The following ARAP2 variants were observed in gnomAD, a reference collection of about 807,000 sequenced individuals.
ARAP2 encodes ArfGAP with RhoGAP domain, ankyrin repeat and PH domain 2.
Under a neutral mutation model 194.5 loss-of-function variants are expected in ARAP2, and 148 were observed. The ratio of observed to expected loss-of-function variants is 0.76; its 90% CI spans 0.67 to 0.87. The LOEUF (loss-of-function observed/expected upper bound fraction) is 0.87, where lower values mean the gene tolerates loss of function less well. Ranked by LOEUF, ARAP2 falls within the 40% of genes least tolerant of loss-of-function variation. The pLI, the probability that ARAP2 is intolerant of heterozygous loss-of-function variation, is 0.00. For synonymous variants in ARAP2, 695 were observed against 683.5 expected (o/e 1.02, Z -0.26); for missense variants, 2,128 against 1,989.7 (o/e 1.07, Z -1.32).
chr4:36,233,376 T>C (rs768366544), intron 1 of ARAP2, among the ~76,000 whole-genome samples: 6 of 144,408 alleles, frequency 4.2e-5, no homozygotes, highest in Non-Finnish European at 9.3e-5. Context: ...CATCAACAAC[T>C]GCTGTGGGTC....
chr4:36,237,993 G>T (rs1473218020), intron 1 of ARAP2, among the ~76,000 whole-genome samples: 1 of 152,172 alleles, frequency 6.6e-6, no homozygotes, highest in Non-Finnish European at 1.5e-5. Context: ...AAGGATGAAG[G>T]TCAGGCCTGC....
At chr4:36,241,104 G>A (rs1041073738) in intron 1 of ARAP2, among the ~76,000 whole-genome samples, 1 of 152,086 alleles carries the variant, frequency 6.6e-6, no homozygotes, top group African/African-American at 2.4e-5. Context: ...TAATTCTTGG[G>A]ATATCAGAGA....
At chr4:36,009,827 A>T (rs1489380169) in intron 9 of ARAP2, among the ~76,000 whole-genome samples, 1 of 137,444 alleles carries the variant, frequency 7.3e-6, no homozygotes, top group African/African-American at 2.7e-5. Flanking sequence ...AATTCTATAT[A>T]GGAAAGTCCC....
In ARAP2 at chr4:36,200,209, CTT is replaced by C. The variant is rs530978527; in HGVS notation, c.1488-6564_1488-6563del. Among the ~76,000 whole-genome samples, 55 of 151,468 alleles carry C rather than the reference CTT, an allele frequency of 3.6e-4. 2 individuals are homozygous for C. The South Asian group carries it at 9.8e-3, about 27-fold the overall frequency. ...AGTTAATTAAAGATAAAACTTTACA[CTT>C]ATATCTTTTCTCAGCACTATTCCCT... On this transcript the variant is annotated intron_variant, in intron 6 of 32. Coordinates refer to ENST00000303965, the MANE Select transcript of ARAP2 (RefSeq NM_015230.4).
chr4:36,143,391 A>G (rs1286822489), intron 19 of ARAP2, among the ~76,000 whole-genome samples: 1 of 151,740 alleles, frequency 6.6e-6, no homozygotes, highest in Non-Finnish European at 1.5e-5. Flanking sequence ...AGACTCCTAG[A>G]ACACTTGTTG....
intron 8 of ARAP2, among the ~76,000 whole-genome samples, chr4:36,180,137 G>T (rs186246698): frequency 3.9e-5 from 6 of 152,120 alleles, no homozygotes; most frequent in Admixed American, 3.3e-4. Flanking sequence ...AAATTAGCTG[G>T]GCATGGTGGC....
chr4:36,106,483 G>C (rs1229199479), intron 27 of ARAP2, among the ~76,000 whole-genome samples: 1 of 150,054 alleles, frequency 6.7e-6, no homozygotes, highest in African/African-American at 2.4e-5. Flanking sequence ...AGATATAAAA[G>C]ACAGTGTATT....
At chr4:36,061,365 T>C (rs1054917511), downstream of ARAP2, among the ~76,000 whole-genome samples, 1 of 152,186 alleles carries the variant, frequency 6.6e-6, no homozygotes, top group African/African-American at 2.4e-5. Context: ...CTCACTACCC[T>C]TCCCAGCCTC....
At chr4:36,179,513 T>A (rs773965480) in intron 8 of ARAP2, among the ~76,000 whole-genome samples, 15 of 152,126 alleles carry the variant, frequency 9.9e-5, no homozygotes, top group Non-Finnish European at 1.5e-4. Context: ...GGAAATGAAT[T>A]AACATAGAGT....
intron 6 of ARAP2, among the ~76,000 whole-genome samples, chr4:36,200,916 A>C (rs181456864): frequency 2.7e-3 from 406 of 152,376 alleles, no homozygotes; most frequent in Middle Eastern, 0.024. Flanking sequence ...CACAAATTTT[A>C]AAAAACAGGA....
intron 25 of ARAP2, among the ~76,000 whole-genome samples, chr4:36,114,962 T>C (rs1188151666): frequency 1.3e-5 from 2 of 152,042 alleles, no homozygotes; most frequent in Non-Finnish European, 2.9e-5. Flanking sequence ...CAATCTTAAG[T>C]GCATGCTGGC....
In ARAP2 at chr4:36,228,903, T is replaced by C; in HGVS notation, c.584A>G (p.Gln195Arg). 1 of 1,614,022 alleles carries C rather than the reference T, an allele frequency of 6.2e-7. No individual in the cohort carries two copies. Among genetic ancestry groups the C allele is most frequent in the Non-Finnish European group, 8.5e-7 (1 of 1,179,954 alleles). ...KTVDHTVEEQ[Q>R]TEKVKLITEN... ...TGTGATCAATTTAACTTTTTCTGTT[T>C]GTTGTTCTTCAACTGTGTGATCCAC... Residue 195 changes from glutamine (Q) to arginine (R), a missense_variant, in exon 2 of 33, where the codon CAA becomes CGA. Coordinates refer to ENST00000303965, the MANE Select transcript of ARAP2 (RefSeq NM_015230.4).
At chr4:36,048,525 C>T (rs1722174088) in intron 3 of ARAP2, among the ~76,000 whole-genome samples, 1 of 152,078 alleles carries the variant, frequency 6.6e-6, no homozygotes, top group African/African-American at 2.4e-5. Flanking sequence ...CATGTTGCTG[C>T]AAAGGACATG....
chr4:36,104,832 T>C lies in ARAP2; in HGVS notation c.4285+2733A>G, dbSNP rs1011760381. Among the ~76,000 whole-genome samples the C allele has an allele frequency of 2.6e-5, 4 of 152,032 alleles. No individual in the cohort carries two copies. In the East Asian group the frequency reaches 5.8e-4, roughly 22 times the overall value. ...TTCTCTTATTTTTGACCAGACTACA[T>C]AACTACAAATATGAAATGATCCAAT... is the stretch of plus-strand genomic sequence containing the variant. On this transcript the variant is annotated intron_variant, in intron 27 of 32. Transcript: ENST00000303965.
At chr4:36,121,463 C>T in intron 22 of ARAP2, 137 bp from the exon 23 acceptor site, 1 of 696,518 alleles carries the variant, frequency 1.4e-6, no homozygotes, top group Non-Finnish European at 2.2e-6. Flanking sequence ...GACTTAAAAG[C>T]ATATGGTTCT....
At position 36,153,971 on chromosome 4, in the gene ARAP2, A is replaced by G. The variant is rs73809140; in HGVS notation, c.2753-2927T>C. On this transcript the variant is annotated intron_variant, in intron 15 of 32. Coordinates refer to ENST00000303965, the MANE Select transcript of ARAP2 (RefSeq NM_015230.4). Reference sequence around the variant, plus strand: ...AATCGACATTCCTGAGGTCACACTAAGTATTTAGCATCAGAGCTGGGGAAG... The same window carrying G: ...AATCGACATTCCTGAGGTCACACTAGGTATTTAGCATCAGAGCTGGGGAAG... Among the ~76,000 whole-genome samples, 969 of 152,238 alleles carry G rather than the reference A, an allele frequency of 6.4e-3. 11 individuals carry two copies. Among genetic ancestry groups the G allele is most frequent in the African/African-American group, 0.022 (920 of 41,524 alleles).
intron 32 of ARAP2, among the ~76,000 whole-genome samples, chr4:36,070,822 C>T (rs1726680703): frequency 6.6e-6 from 1 of 152,168 alleles, no homozygotes; most frequent in Admixed American, 6.6e-5. Context: ...ACTTTAAACG[C>T]TTTAAACTCT....
At chr4:36,215,929 A>G (rs1052041952) in intron 2 of ARAP2, among the ~76,000 whole-genome samples, 5 of 152,194 alleles carry the variant, frequency 3.3e-5, no homozygotes, top group African/African-American at 1.2e-4. Flanking sequence ...CCTTGTCTCT[A>G]CAAAAATAAG....
chr4:36,213,401 G>GT (rs1393677715), intron 3 of ARAP2, 82 bp from the exon 4 acceptor site: 4 of 1,017,010 alleles, frequency 3.9e-6, no homozygotes, highest in Admixed American at 2.0e-5. Context: ...AAAAGCATGA[G>GT]TTTTTTATGG....
Sources: gnomAD v4.1 joint callset for allele counts (sites outside exome capture counted in the v4.1 genomes callset) on GRCh38, gnomAD v4.1.1 for gene constraint, MANE v1.5 for transcripts, NCBI Gene and HGNC (gene_info 2026-07-23, HGNC 2026-07-21) for gene names.